The following ITGAE variants were observed in gnomAD, a reference collection of about 807,000 sequenced individuals.
ITGAE encodes the protein integrin subunit alpha E.
ITGAE carries 99 observed loss-of-function variants against 136.5 expected under a neutral mutation model. The observed-to-expected ratio is 0.73, with a 90% CI of 0.62 to 0.86. The LOEUF is 0.86. Among genes scored for constraint, ITGAE ranks in the 40% least tolerant of loss-of-function variants. The pLI is 0.00. For missense variants in ITGAE, 1,447 were observed against 1,515.3 expected, an observed-to-expected ratio of 0.95 and a Z score of 0.75; for synonymous variants, 613 against 591.8, an observed-to-expected ratio of 1.04 and a Z score of -0.52.
At chr17:3,749,003 C>T (rs898468462) in intron 16 of ITGAE, among the ~76,000 whole-genome samples, 1 of 152,102 alleles carries the variant, frequency 6.6e-6, no homozygotes, top group Non-Finnish European at 1.5e-5. Context: ...GAATGGAGCG[C>T]AGGGGCTGGA....
chr17:3,719,247 AAAAAAAAAAG>A (rs1184101228), intron 29 of ITGAE, among the ~76,000 whole-genome samples: 4 of 144,136 alleles, frequency 2.8e-5, no homozygotes, highest in African/African-American at 1.0e-4. Flanking sequence ...AAAAAAAAAA[AAAAAAAAAAG>A]AAAAGAAAAG....
intron 1 of ITGAE, among the ~76,000 whole-genome samples, chr17:3,800,657 A>C (rs1464684788): frequency 6.6e-6 from 1 of 152,052 alleles, no homozygotes; most frequent in Non-Finnish European, 1.5e-5. Context: ...CCATACAGAC[A>C]CTTGCCCCCA....
intron 1 of ITGAE, among the ~76,000 whole-genome samples, chr17:3,781,319 A>G (rs981439678): frequency 2.7e-5 from 4 of 148,732 alleles, no homozygotes; most frequent in Admixed American, 6.7e-5. Flanking sequence ...GTTTCCTTCT[A>G]TATTTTTTTT....
chr17:3,722,159 C>T (rs1312632589), intron 28 of ITGAE, among the ~76,000 whole-genome samples: 1 of 141,512 alleles, frequency 7.1e-6, no homozygotes, highest in African/African-American at 2.6e-5. Context: ...AAGAGCGAAA[C>T]TCCGTCTTGA....
intron 26 of ITGAE, 36 bp from the exon 27 acceptor site, chr17:3,723,780 A>G: frequency 6.2e-7 from 1 of 1,601,524 alleles, no homozygotes; most frequent in Non-Finnish European, 8.5e-7. Flanking sequence ...GCGCTGAACA[A>G]ACCAAGCCGC....
At chr17:3,800,540 G>A (rs1258673440) in intron 1 of ITGAE, among the ~76,000 whole-genome samples, 3 of 152,034 alleles carry the variant, frequency 2.0e-5, no homozygotes, top group African/African-American at 7.2e-5. Flanking sequence ...AGGCTAAAAT[G>A]GGACCCCCCA....
At chr17:3,736,359 G>C (rs2051459516) in intron 20 of ITGAE, among the ~76,000 whole-genome samples, 2 of 152,110 alleles carry the variant, frequency 1.3e-5, no homozygotes, top group South Asian at 2.1e-4. Context: ...CTGGAGTCTA[G>C]TAGTCCAAAG....
At chr17:3,723,813 C>T (rs912174749) in intron 26 of ITGAE, 69 bp from the exon 27 acceptor site, 6 of 1,581,434 alleles carry the variant, frequency 3.8e-6, no homozygotes, top group Non-Finnish European at 5.2e-6. Flanking sequence ...CCGTCCCGGC[C>T]CCGGCCCTGG....
At chr17:3,781,991 C>G (rs921276708) in intron 1 of ITGAE, among the ~76,000 whole-genome samples, 2 of 151,944 alleles carry the variant, frequency 1.3e-5, no homozygotes, top group African/African-American at 4.8e-5. Context: ...AAAGCATGGT[C>G]TGGGCCGGGT....
chr17:3,734,904 A>C lies in ITGAE; in HGVS notation c.2568T>G (p.Ile856Met). 3.1e-6 allele frequency: 5 copies of C among 1,614,168 alleles called. No homozygotes were observed. The highest frequency in any genetic ancestry group is 4.2e-6 in the Non-Finnish European group (5 of 1,180,020). ...AATCTTCCCCGGAGTTAGTTAGGTT[A>C]ATGTTCAGGGTCAGCTCCTTTGTGA... ...VGLTKELTLN[I>M]NLTNSGEDSY... is the part of the protein sequence containing the mutation. The change falls in exon 21 of 31, where the codon ATT (isoleucine) becomes ATG (methionine). Residue 856 changes from isoleucine to methionine, a missense_variant. Physicochemically the swap from Ile to Met is conservative, Grantham distance 10. This residue lies in a region of ITGAE where 1,031 missense variants were observed against 1,011.4 expected (regional missense o/e 1.02). Transcript: ENST00000263087.
Position 3,777,551 on chromosome 17 carries a change from G to A in ITGAE, c.144C>T (p.Thr48=). 2 of 1,613,028 alleles carry A rather than the reference G, an allele frequency of 1.2e-6. No individual in the cohort carries two copies. Among genetic ancestry groups the A allele is most frequent in the Non-Finnish European group, 1.7e-6 (2 of 1,179,270 alleles). Residue 48 remains threonine, a synonymous_variant, in exon 2 of 31, where the codon ACC becomes ACT. Transcript: ENST00000263087. ...CCGGCCCTACTCACCAGGTCTGGTT[G>A]GTGCTGGGGTCTTGGTGCAGAAGGG... ...LSSLLHQDPS[T]NQTWLLVTSP...
chr17:3,726,733 T>TA (rs2051222885), intron 26 of ITGAE: 1 of 157,098 alleles, frequency 6.4e-6, no homozygotes, highest in African/African-American at 2.4e-5. Flanking sequence ...TTTTTTTTTT[T>TA]TAATTTTATT....
chr17:3,742,580 G>A (rs1403549403), intron 19 of ITGAE, among the ~76,000 whole-genome samples: 1 of 150,504 alleles, frequency 6.6e-6, no homozygotes, highest in African/African-American at 2.5e-5. Context: ...TCAGCCTCCT[G>A]AGTAGCTGGA....
At chr17:3,755,360 G>T in intron 11 of ITGAE, 99 bp from the exon 12 acceptor site, 1 of 1,361,222 alleles carries the variant, frequency 7.3e-7, no homozygotes, top group Non-Finnish European at 9.7e-7. Flanking sequence ...ACCTGGCTGG[G>T]AGCAGGGGGG....
intron 2 of ITGAE, among the ~76,000 whole-genome samples, chr17:3,765,190 A>C (rs1381837590): frequency 6.6e-6 from 1 of 151,888 alleles, no homozygotes; most frequent in African/African-American, 2.4e-5. Context: ...TCTACTAAAA[A>C]TACAAAAAAT....
rs751283234 is a variant in ITGAE at position 3,728,045 on chromosome 17, G to A, written c.2977-19C>T. On this transcript the variant is annotated intron_variant, in intron 25 of 30. Coordinates refer to ENST00000263087, the MANE Select transcript of ITGAE (RefSeq NM_002208.5). Reference sequence around the variant, plus strand: ...CATGTACCTGCAAATTAAAATCAGAGTAGGAAATCAAAGCTGGTATTGCTT... The same window carrying A: ...CATGTACCTGCAAATTAAAATCAGAATAGGAAATCAAAGCTGGTATTGCTT... 1.5e-5 allele frequency: 24 copies of A among 1,607,950 alleles called. No homozygotes were observed. The East Asian group carries it at 4.0e-4, about 27-fold the overall frequency.
At chr17:3,718,983 G>C (rs1389067979) in intron 29 of ITGAE, among the ~76,000 whole-genome samples, 1 of 152,058 alleles carries the variant, frequency 6.6e-6, no homozygotes, top group East Asian at 1.9e-4. Context: ...TGTAATCCCA[G>C]CACTTTGGGA....
At chr17:3,730,809 A>G (rs962695301) in intron 23 of ITGAE, among the ~76,000 whole-genome samples, 2 of 152,196 alleles carry the variant, frequency 1.3e-5, no homozygotes, top group Non-Finnish European at 2.9e-5. Context: ...CAGGTAACAT[A>G]GCTATCCCAA....
chr17:3,751,692 G>T lies in ITGAE; in HGVS notation c.1851C>A (p.Ile617=). The T allele has an allele frequency of 1.2e-6, 2 of 1,614,032 alleles. No individual in the cohort carries two copies. The highest frequency in any genetic ancestry group is 1.7e-6 in the Non-Finnish European group (2 of 1,179,946). Residue 617 remains isoleucine (I), a synonymous_variant, in exon 15 of 31, where the codon ATC becomes ATA. Transcript: ENST00000263087. ...DDGASFGSVY[I]YNGHWDGLSA... Reference sequence around the variant, plus strand: ...AGAGGCCGTCCCAGTGTCCATTGTAGATATACACACTGCCGAAGCTGGCAC... The same window carrying T: ...AGAGGCCGTCCCAGTGTCCATTGTATATATACACACTGCCGAAGCTGGCAC...
Sources: allele counts gnomAD v4.1 joint callset (sites outside exome capture counted in the v4.1 genomes callset), GRCh38; gene constraint gnomAD v4.1.1; regional missense constraint gnomAD v4.1.1; transcripts MANE v1.5; gene names NCBI Gene and HGNC (gene_info 2026-07-23, HGNC 2026-07-21).